POU2AF3: variants seen among roughly 807,000 people sequenced by gnomAD.
POU2AF3 encodes POU class 2 homeobox associating factor 3.
chr11:111,305,338 A>G, the POU2AF3 span, among the ~76,000 whole-genome samples: 1 of 152,222 alleles, frequency 6.6e-6, no homozygotes, highest in East Asian at 1.9e-4. Context: ...GAACATCCCA[A>G]GACACTCAAA....
the POU2AF3 span, chr11:111,299,560 G>A: frequency 1.7e-6 from 2 of 1,207,136 alleles, no homozygotes; most frequent in South Asian, 4.3e-5. Context: ...GGGGCAGTCC[G>A]ACCGGGCCCC....
At chr11:111,302,502 C>G in the POU2AF3 span, among the ~76,000 whole-genome samples, 1 of 152,150 alleles carries the variant, frequency 6.6e-6, no homozygotes, top group Non-Finnish European at 1.5e-5. Flanking sequence ...CTGCTGGGCC[C>G]TTACAGATGG....
the POU2AF3 span, chr11:111,305,092 A>C: frequency 1.8e-6 from 1 of 547,238 alleles, no homozygotes; most frequent in African/African-American, 2.0e-5. Flanking sequence ...ATTTAATTGG[A>C]ATCCAACCAA....
chr11:111,301,547 C>T, the POU2AF3 span, among the ~76,000 whole-genome samples: 1 of 152,120 alleles, frequency 6.6e-6, no homozygotes, highest in African/African-American at 2.4e-5. Context: ...AGGCCTTTGA[C>T]AGCGGGACTT....
chr11:111,298,836 GC>G, the POU2AF3 span: 1 of 408,788 alleles, frequency 2.4e-6, no homozygotes, highest in Non-Finnish European at 3.5e-6. Flanking sequence ...GCCCCCGCCC[GC>G]CCTCCCACGT....
the POU2AF3 span, among the ~76,000 whole-genome samples, chr11:111,302,865 G>A: frequency 6.6e-6 from 1 of 152,178 alleles, no homozygotes; most frequent in Non-Finnish European, 1.5e-5. Flanking sequence ...TACTTAGTAG[G>A]CAAGGGTAGC....
At chr11:111,304,905 C>T in the POU2AF3 span, 47 of 1,225,892 alleles carry the variant, frequency 3.8e-5, no homozygotes, top group African/African-American at 5.3e-4. Context: ...GCCTGCTTCA[C>T]GGTGATATTC....
chr11:111,299,277 G>A, the POU2AF3 span: 4 of 986,586 alleles, frequency 4.1e-6, no homozygotes, highest in African/African-American at 3.5e-5. Context: ...CAGGCTGAAC[G>A]CGCGGTCACC....
At chr11:111,299,412 G>C in the POU2AF3 span, 11 of 1,012,714 alleles carry the variant, frequency 1.1e-5, no homozygotes, top group African/African-American at 3.4e-5. Flanking sequence ...CGCCCGGCTC[G>C]GCTTGGCCTA....
At chr11:111,299,593 C>T in the POU2AF3 span, 1 of 1,221,284 alleles carries the variant, frequency 8.2e-7, no homozygotes, top group African/African-American at 1.6e-5. Flanking sequence ...GCGGCCCCTA[C>T]CGAAGGGCGG....
the POU2AF3 span, chr11:111,308,202 A>G: frequency 1.3e-6 from 2 of 1,551,536 alleles, no homozygotes. Context: ...ACCTGTGGCT[A>G]CCCCCCAGAA....
chr11:111,300,732 C>T, the POU2AF3 span: 1 of 454,036 alleles, frequency 2.2e-6, no homozygotes, highest in Non-Finnish European at 3.5e-6. Flanking sequence ...ATTCCCAGAC[C>T]TGGCCTTCCT....
At chr11:111,304,875 C>T in the POU2AF3 span, 5 of 1,050,706 alleles carry the variant, frequency 4.8e-6, no homozygotes, top group Non-Finnish European at 6.1e-6. Context: ...CTTAGCTTTC[C>T]CTTCAGAGCA....
At chr11:111,302,106 G>A in the POU2AF3 span, among the ~76,000 whole-genome samples, 12 of 152,254 alleles carry the variant, frequency 7.9e-5, no homozygotes, top group Admixed American at 2.0e-4. Context: ...AACAACCAGC[G>A]GAGGTAAGTA....
chr11:111,298,626 G>T, the POU2AF3 span: 22 of 1,246,082 alleles, frequency 1.8e-5, no homozygotes, highest in Non-Finnish European at 2.2e-5. Context: ...GGTCAGGCGG[G>T]CCAGGGGCAT....
the POU2AF3 span, chr11:111,308,466 A>G: frequency 5.9e-4 from 893 of 1,516,898 alleles, 19 homozygotes; most frequent in East Asian, 0.022. Context: ...AGAACATGGC[A>G]TGGGTATATC....
chr11:111,302,530 T>G, the POU2AF3 span, among the ~76,000 whole-genome samples: 1 of 152,196 alleles, frequency 6.6e-6, no homozygotes, highest in African/African-American at 2.4e-5. Flanking sequence ...CACTGTTCCC[T>G]TCTTAGCTCG....
the POU2AF3 span, among the ~76,000 whole-genome samples, chr11:111,301,313 CA>C: frequency 1.3e-5 from 2 of 152,200 alleles, no homozygotes; most frequent in Non-Finnish European, 2.9e-5. Flanking sequence ...GCAACAGAAC[CA>C]AATAAACTAG....
the POU2AF3 span, chr11:111,299,445 A>T: frequency 4.8e-6 from 5 of 1,049,416 alleles, no homozygotes; most frequent in Non-Finnish European, 5.7e-6. Context: ...CAACCTACTC[A>T]CTGCGGCTTT....
Sources: gnomAD v4.1 joint callset for allele counts (sites outside exome capture counted in the v4.1 genomes callset) on GRCh38, gnomAD v4.1.1 for gene constraint, MANE v1.5 for transcripts, NCBI Gene and HGNC (gene_info 2026-07-23, HGNC 2026-07-21) for gene names.